The following RAD54B variants were observed in gnomAD, a reference collection of about 807,000 sequenced individuals.
RAD54B encodes the protein RAD54 homolog B.
A neutral mutation model predicts 95.8 loss-of-function variants in RAD54B; 78 were observed. That is an observed-to-expected ratio of 0.81 (90% CI 0.68 to 0.98). RAD54B has a LOEUF of 0.98. RAD54B is among the 50% of genes least tolerant of loss of function. The pLI is 0.00. For missense variants in RAD54B, 957 were observed against 1,056.6 expected, an observed-to-expected ratio of 0.91 and a Z score of 1.31; for synonymous variants, 328 against 354.9, an observed-to-expected ratio of 0.92 and a Z score of 0.85.
chr8:94,400,672 G>A (rs1811247286), intron 6 of RAD54B, among the ~76,000 whole-genome samples: 1 of 152,056 alleles, frequency 6.6e-6, no homozygotes, highest in African/African-American at 2.4e-5. Flanking sequence ...TCTGAAATTA[G>A]AGAGTTGAAT....
At chr8:94,431,628 A>G (rs1812098288) in intron 3 of RAD54B, 16 of 944,562 alleles carry the variant, frequency 1.7e-5, no homozygotes, top group Non-Finnish European at 2.0e-5. Flanking sequence ...AGAGATGGAA[A>G]AAAAGTGTTC....
At chr8:94,403,890 G>A (rs144868636) in intron 6 of RAD54B, among the ~76,000 whole-genome samples, 187 bp downstream of exon 6, 103 of 152,204 alleles carry the variant, frequency 6.8e-4, no homozygotes, top group African/African-American at 2.4e-3. Flanking sequence ...TGTTTGGCAC[G>A]TGGCATCTAT....
At chr8:94,435,033 G>A (rs868553857) in intron 3 of RAD54B, among the ~76,000 whole-genome samples, 5 of 151,614 alleles carry the variant, frequency 3.3e-5, no homozygotes, top group Non-Finnish European at 5.9e-5. Flanking sequence ...TCTACATGTC[G>A]TTTTCAAATT....
chr8:94,388,791 G>A (rs1374870239), intron 10 of RAD54B, among the ~76,000 whole-genome samples: 1 of 152,164 alleles, frequency 6.6e-6, no homozygotes, highest in Non-Finnish European at 1.5e-5. Flanking sequence ...GGACATATGA[G>A]GAGAAAGAAG....
intron 3 of RAD54B, chr8:94,432,360 T>G (rs749225634): frequency 1.9e-6 from 3 of 1,550,248 alleles, no homozygotes; most frequent in South Asian, 2.4e-5. Flanking sequence ...TGACCTAAAG[T>G]GTTCACCACT....
chr8:94,455,169 T>C (rs931823151), intron 3 of RAD54B, among the ~76,000 whole-genome samples: 3 of 152,240 alleles, frequency 2.0e-5, no homozygotes, highest in African/African-American at 7.2e-5. Flanking sequence ...CACATATCCA[T>C]TACAGCATGA....
intron 3 of RAD54B, among the ~76,000 whole-genome samples, chr8:94,413,577 A>G (rs1811580524): frequency 6.6e-6 from 1 of 152,232 alleles, no homozygotes; most frequent in Admixed American, 6.5e-5. Context: ...CTAAATGTAA[A>G]ACCTAAAACA....
chr8:94,455,328 T>C (rs1812755454), intron 3 of RAD54B, among the ~76,000 whole-genome samples: 1 of 152,186 alleles, frequency 6.6e-6, no homozygotes, highest in Admixed American at 6.5e-5. Flanking sequence ...TAGAGAAAAC[T>C]GTAAGTTTCT....
chr8:94,408,352 C>G (rs1353305887), intron 4 of RAD54B, among the ~76,000 whole-genome samples: 1 of 152,078 alleles, frequency 6.6e-6, no homozygotes, highest in Non-Finnish European at 1.5e-5. Flanking sequence ...ATAAGTCAGT[C>G]ATGGGCTGCT....
At chr8:94,385,254 A>G (rs747207414) in intron 11 of RAD54B, among the ~76,000 whole-genome samples, 4 of 151,996 alleles carry the variant, frequency 2.6e-5, no homozygotes, top group African/African-American at 4.8e-5. Context: ...TCTCACATCT[A>G]TATTCAAACT....
chr8:94,423,642 G>A (rs888861135), intron 3 of RAD54B, among the ~76,000 whole-genome samples: 4 of 152,116 alleles, frequency 2.6e-5, no homozygotes, highest in African/African-American at 9.7e-5. Flanking sequence ...AGATAAATTT[G>A]TAGCTGTCAT....
At chr8:94,374,955 G>A (rs1810532137) in intron 14 of RAD54B, among the ~76,000 whole-genome samples, 1 of 152,100 alleles carries the variant, frequency 6.6e-6, no homozygotes, top group Non-Finnish European at 1.5e-5. Context: ...TAAGAGAATA[G>A]CAAATTAAAA....
At chr8:94,474,072 G>C (rs1320317570) in intron 1 of RAD54B, among the ~76,000 whole-genome samples, 2 of 152,162 alleles carry the variant, frequency 1.3e-5, no homozygotes, top group African/African-American at 4.8e-5. Context: ...CAGCAACATG[G>C]GTGCAGCTGG....
intron 4 of RAD54B, among the ~76,000 whole-genome samples, chr8:94,410,688 C>T (rs1000826813): frequency 1.3e-5 from 2 of 152,144 alleles, no homozygotes; most frequent in Non-Finnish European, 2.9e-5. Flanking sequence ...TAACCATTAT[C>T]TCCTTGCTCT....
chr8:94,411,328 A>G lies in RAD54B; in HGVS notation c.305-13T>C, dbSNP rs781030793. On this transcript the variant is annotated splice_polypyrimidine_tract_variant and intron_variant, in intron 3 of 14. Transcript: ENST00000336148. ...GGAGCCGAATGAACTACAATTAAAAAAAAAACACACATTATTAAAAATGAC... is the reference window on the plus strand; with the variant it reads ...GGAGCCGAATGAACTACAATTAAAAGAAAAACACACATTATTAAAAATGAC... 17 of 1,545,904 alleles carry G rather than the reference A, an allele frequency of 1.1e-5. No individual in the cohort carries two copies. The highest frequency in any genetic ancestry group is 1.5e-5 in the Non-Finnish European group (17 of 1,156,826).
intron 1 of RAD54B, among the ~76,000 whole-genome samples, chr8:94,468,748 G>A (rs1586045392): frequency 6.6e-6 from 1 of 151,962 alleles, no homozygotes; most frequent in East Asian, 1.9e-4. Context: ...AGAATGGCGT[G>A]AACCCGGGAG....
chr8:94,392,764 AT>A (rs34856809), intron 9 of RAD54B, among the ~76,000 whole-genome samples: 15,079 of 72,352 alleles, frequency 0.21, 1,156 homozygotes, highest in Middle Eastern at 0.41. Flanking sequence ...CACCTGGCTG[AT>A]TTTTTTTTTT....
intron 2 of RAD54B, among the ~76,000 whole-genome samples, chr8:94,463,599 G>C (rs1812953965): frequency 6.6e-6 from 1 of 151,932 alleles, no homozygotes; most frequent in Non-Finnish European, 1.5e-5. Flanking sequence ...TGAAAACATG[G>C]CCAAGTATGG....
chr8:94,466,420 T>C, intron 2 of RAD54B, among the ~76,000 whole-genome samples: 1 of 150,950 alleles, frequency 6.6e-6, no homozygotes, highest in South Asian at 2.1e-4. Flanking sequence ...TTTTTTTTTT[T>C]TGGGGGGGAC....
Sources: gnomAD v4.1 joint callset for allele counts (sites outside exome capture counted in the v4.1 genomes callset) on GRCh38, gnomAD v4.1.1 for gene constraint, MANE v1.5 for transcripts, NCBI Gene and HGNC (gene_info 2026-07-23, HGNC 2026-07-21) for gene names.